The following CHODL variants were observed in gnomAD, a reference collection of about 807,000 sequenced individuals.
CHODL encodes the protein transmembrane protein MT75.
A neutral mutation model predicts 34.5 loss-of-function variants in CHODL; 29 were observed. The observed-to-expected ratio is 0.84, with a 90% CI of 0.63 to 1.15. CHODL has a LOEUF of 1.15. CHODL is among the 50% of genes most tolerant of loss of function. CHODL has a pLI of 0.00. For missense variants in CHODL, 332 were observed against 332.5 expected (o/e 1.00, Z 0.01); for synonymous variants, 125 against 116.1 (o/e 1.08, Z -0.49).
chr21:17,951,114 G>A (rs1206664310), intron 1 of CHODL, among the ~76,000 whole-genome samples: 5 of 100,722 alleles, frequency 5.0e-5, no homozygotes, highest in African/African-American at 1.7e-4. Context: ...ATACGTGTGT[G>A]TGTGTGTGTG....
chr21:18,113,400 C>A (rs543498220), intron 2 of CHODL, among the ~76,000 whole-genome samples: 1 of 152,268 alleles, frequency 6.6e-6, no homozygotes, highest in African/African-American at 2.4e-5. Context: ...TTTGTTCTCA[C>A]ATTGCTAAAA....
chr21:18,093,278 C>CTGA (rs2065096523), intron 2 of CHODL, among the ~76,000 whole-genome samples: 1 of 152,048 alleles, frequency 6.6e-6, no homozygotes, highest in East Asian at 1.9e-4. Flanking sequence ...AAGACCTTCC[C>CTGA]AGGCAAACAA....
chr21:18,150,475 G>A (rs911678915), intron 2 of CHODL, among the ~76,000 whole-genome samples: 7 of 152,066 alleles, frequency 4.6e-5, no homozygotes, highest in South Asian at 2.1e-4. Context: ...TCCGGAGGCC[G>A]GTATCCCAAG....
chr21:18,200,424 A>G (rs1307621420), intron 2 of CHODL, among the ~76,000 whole-genome samples: 1 of 152,214 alleles, frequency 6.6e-6, no homozygotes, highest in Admixed American at 6.5e-5. Flanking sequence ...TTTCACAAGG[A>G]AAGTACTTTT....
At chr21:18,062,592 C>A (rs1230392793) in intron 2 of CHODL, among the ~76,000 whole-genome samples, 1 of 151,980 alleles carries the variant, frequency 6.6e-6, no homozygotes, top group Non-Finnish European at 1.5e-5. Context: ...ATGGTGAAAC[C>A]CCATCTCTAC....
intron 1 of CHODL, among the ~76,000 whole-genome samples, chr21:17,955,139 A>C (rs1330185601): frequency 7.4e-6 from 1 of 135,718 alleles, no homozygotes; most frequent in Non-Finnish European, 1.7e-5. Flanking sequence ...TTCTTTTCTA[A>C]GAAATTTTTA....
At chr21:18,253,835 C>T (rs2074285484) in intron 1 of CHODL, among the ~76,000 whole-genome samples, 1 of 152,032 alleles carries the variant, frequency 6.6e-6, no homozygotes, top group South Asian at 2.1e-4. Context: ...TTAATTTGTT[C>T]AGATTTTTTA....
intron 2 of CHODL, among the ~76,000 whole-genome samples, chr21:18,085,962 C>T (rs781692411): frequency 6.8e-6 from 1 of 146,830 alleles, no homozygotes; most frequent in Non-Finnish European, 1.5e-5. Context: ...GCTTTTTATT[C>T]TCTCTTTCCC....
chr21:17,943,550 A>C (rs1412262201), intron 1 of CHODL, among the ~76,000 whole-genome samples: 3 of 152,194 alleles, frequency 2.0e-5, no homozygotes, highest in African/African-American at 7.2e-5. Context: ...TGAAGTAAGA[A>C]GTCTTGGGCC....
At chr21:18,027,782 A>G (rs1425311104) in intron 1 of CHODL, 1 of 152,468 alleles carries the variant, frequency 6.6e-6, no homozygotes, top group Non-Finnish European at 1.5e-5. Flanking sequence ...TAATTAGATC[A>G]TGAGAGGAGA....
At chr21:18,014,161 C>G (rs546012334) in intron 1 of CHODL, among the ~76,000 whole-genome samples, 1 of 152,050 alleles carries the variant, frequency 6.6e-6, no homozygotes, top group Non-Finnish European at 1.5e-5. Flanking sequence ...GCAAAGGAAA[C>G]CACATGTAGG....
At chr21:18,025,473 A>T (rs1050399822) in intron 1 of CHODL, among the ~76,000 whole-genome samples, 2 of 152,312 alleles carry the variant, frequency 1.3e-5, no homozygotes, top group African/African-American at 2.4e-5. Flanking sequence ...AATGGCAGGT[A>T]TCCATATTTT....
intron 2 of CHODL, among the ~76,000 whole-genome samples, chr21:18,057,288 TCC>T (rs2064594508): frequency 6.6e-6 from 1 of 152,138 alleles, no homozygotes; most frequent in Admixed American, 6.6e-5. Context: ...AATCTCTCTC[TCC>T]CTCCTCTCTG....
intron 1 of CHODL, among the ~76,000 whole-genome samples, chr21:17,966,583 C>G (rs927402311): frequency 6.6e-6 from 1 of 152,144 alleles, no homozygotes; most frequent in Non-Finnish European, 1.5e-5. Context: ...TCAAGAAATA[C>G]AAGGCAGGGT....
chr21:17,974,809 A>G (rs2146366622), intron 1 of CHODL, among the ~76,000 whole-genome samples: 1 of 151,712 alleles, frequency 6.6e-6, no homozygotes. Flanking sequence ...CAAAAGGCTC[A>G]TTAATGAATC....
At chr21:18,047,199 C>A (rs1352713807) in intron 2 of CHODL, among the ~76,000 whole-genome samples, 1 of 151,864 alleles carries the variant, frequency 6.6e-6, no homozygotes, top group African/African-American at 2.4e-5. Context: ...ATGACTCTGG[C>A]AGAAAGAGAA....
intron 2 of CHODL, among the ~76,000 whole-genome samples, chr21:18,037,848 A>G (rs1242687882): frequency 6.6e-6 from 1 of 151,780 alleles, no homozygotes; most frequent in Non-Finnish European, 1.5e-5. Flanking sequence ...AAATCAGCAT[A>G]CAGATTTAAC....
chr21:18,243,255 G>T (rs1430058662), upstream of CHODL, among the ~76,000 whole-genome samples: 1 of 152,184 alleles, frequency 6.6e-6, no homozygotes, highest in African/African-American at 2.4e-5. Context: ...GCCCCTGGAG[G>T]ACAGCTCTCC....
Position 18,256,781 on chromosome 21 carries a change from C to A in CHODL, c.352C>A (p.Leu118Ile). ...GCAAACATCTGGTGCCTGCCCAGAT[C>A]TCTACCAGTGGTCTGATGGAAGCAA... ...DGQTSGACPD[L>I]YQWSDGSNSQ... The change falls in exon 2 of 6, where the codon CTC becomes ATC. Residue 118 changes from leucine to isoleucine, a missense_variant. By Grantham distance (5) the Leu-to-Ile change is conservative (BLOSUM62 2). Transcript: ENST00000299295. 1 of 1,614,044 alleles carries A rather than the reference C, an allele frequency of 6.2e-7. No homozygotes were observed.
Sources: gnomAD v4.1 joint callset for allele counts (sites outside exome capture counted in the v4.1 genomes callset) on GRCh38, gnomAD v4.1.1 for gene constraint, MANE v1.5 for transcripts, NCBI Gene and HGNC (gene_info 2026-07-23, HGNC 2026-07-21) for gene names.